SLC35A5: variants seen among roughly 807,000 people sequenced by gnomAD.
The protein encoded by SLC35A5 is UDP-sugar transporter protein SLC35A5.
In SLC35A5, 28 loss-of-function variants were observed where a neutral mutation model predicts 36.3. That is an observed-to-expected ratio of 0.77 (90% confidence interval 0.57 to 1.06). The LOEUF (loss-of-function observed/expected upper bound fraction) is 1.06. Ranked by LOEUF, SLC35A5 falls within the 50% of genes least tolerant of loss-of-function variation. The probability of loss-of-function intolerance (pLI) is 0.00; values close to 1 mark genes in which losing one functional copy is unlikely to be tolerated. For synonymous variants in SLC35A5, 180 were observed against 173.7 expected (o/e 1.04, Z -0.29); for missense variants, 521 against 499.3 (o/e 1.04, Z -0.41).
At chr3:112,565,078 A>C (rs1934133914) in intron 2 of SLC35A5, among the ~76,000 whole-genome samples, 1 of 152,184 alleles carries the variant, frequency 6.6e-6, no homozygotes, top group African/African-American at 2.4e-5. Flanking sequence ...ATGTGTACCC[A>C]AGTCTCTACT....
Position 112,583,320 on chromosome 3 carries a change from C to G in SLC35A5, c.*584C>G. The G allele has an allele frequency of 2.5e-6, 1 of 393,466 alleles. No individual in the cohort carries two copies. Among genetic ancestry groups the G allele is most frequent in the Non-Finnish European group, 4.5e-6 (1 of 223,018 alleles). The allele number at this position is 393,466 out of a possible 1,614,324, so 24.4% of individuals were successfully genotyped here. A position where few individuals can be genotyped will look rare whatever the true frequency, so the allele number is the denominator to read the frequency against. On this transcript the variant is annotated 3_prime_UTR_variant, in exon 7 of 7. Coordinates refer to ENST00000492406, the MANE Select transcript of SLC35A5 (RefSeq NM_017945.5). ...ATATTTTGCTGAAGAAGCAGTTTCT[C>G]AGACACAACATCTCAGAATTTTAAT...
intron 2 of SLC35A5, among the ~76,000 whole-genome samples, chr3:112,567,753 C>T (rs1934263477): frequency 6.6e-6 from 1 of 152,190 alleles, no homozygotes; most frequent in Non-Finnish European, 1.5e-5. Context: ...ACCATGTTGT[C>T]ATATGGTCTG....
In SLC35A5 at chr3:112,563,546, T is replaced by C; in HGVS notation, c.130+13T>C. Reference sequence around the variant, plus strand: ...TCTGCCAATGAAGGTAAGTTAAGACTTGGTATATGCATGGAGCACTTCCAT... The same window carrying C: ...TCTGCCAATGAAGGTAAGTTAAGACCTGGTATATGCATGGAGCACTTCCAT... On this transcript the variant is annotated intron_variant, in intron 2 of 6. Transcript: ENST00000492406. The C allele has an allele frequency of 6.3e-7, 1 of 1,592,526 alleles. No individual in the cohort carries two copies. The highest frequency in any genetic ancestry group is 8.6e-7 in the Non-Finnish European group (1 of 1,163,864).
intron 2 of SLC35A5, among the ~76,000 whole-genome samples, chr3:112,564,620 G>C (rs944962987): frequency 1.3e-5 from 2 of 152,142 alleles, no homozygotes; most frequent in African/African-American, 4.8e-5. Context: ...CCTCAGCACA[G>C]ACCCTTTACA....
Position 112,581,225 on chromosome 3 carries a change from A to C in SLC35A5, c.1108A>C (p.Ile370Leu). ...GGAAGCCCCATCAGTCCTTCTCTCT[A>C]TATTTATTTATAATGCCAGCAAGCC... ...FLEAPSVLLS[I>L]FIYNASKPQV... The change falls in exon 6 of 7, where the codon ATA (isoleucine) becomes CTA (leucine). Residue 370 changes from isoleucine to leucine, a missense_variant. Ile to Leu is a conservative substitution (Grantham distance 5, BLOSUM62 2). Transcript: ENST00000492406. 3.1e-6 allele frequency: 5 copies of C among 1,613,722 alleles called. No homozygotes were observed. The highest frequency in any genetic ancestry group is 3.4e-6 in the Non-Finnish European group (4 of 1,179,864).
At chr3:112,573,280 G>T (rs1305616387) in intron 4 of SLC35A5, among the ~76,000 whole-genome samples, 2 of 152,158 alleles carry the variant, frequency 1.3e-5, no homozygotes, top group East Asian at 3.8e-4. Flanking sequence ...TACATGTTCA[G>T]ATTAATACTC....
chr3:112,580,582 G>C lies in SLC35A5; in HGVS notation c.465G>C (p.Leu155=), dbSNP rs1347047410. 2 of 1,613,868 alleles carry C rather than the reference G, an allele frequency of 1.2e-6. No individual in the cohort carries two copies. The highest frequency in any genetic ancestry group is 3.3e-5 in the Admixed American group (2 of 59,994). ...ACTGGATCCAGTGGGCTTCCCTCCT[G>C]ACTTTATTTTTGTCTATTGTGGCCT... ...RLNWIQWASL[L]TLFLSIVALT... is the part of the protein sequence containing the mutation. Residue 155 remains leucine (L), a synonymous_variant, in exon 6 of 7, where the codon CTG becomes CTC. Transcript: ENST00000492406.
intron 5 of SLC35A5, among the ~76,000 whole-genome samples, chr3:112,578,078 T>A (rs1375349637): frequency 6.6e-6 from 1 of 152,192 alleles, no homozygotes; most frequent in Non-Finnish European, 1.5e-5. Flanking sequence ...AGAAAATATC[T>A]AAACAATTTA....
chr3:112,570,729 A>AT (rs11411476), intron 4 of SLC35A5, 59 bp downstream of exon 4: 150,002 of 1,092,122 alleles, frequency 0.14, 5,939 homozygotes, highest in African/African-American at 0.47. Flanking sequence ...AAATCCCAGA[A>AT]TTTTTTTTTT....
rs574446668 is a variant in SLC35A5, at chr3:112,563,610, A to G, written c.130+77A>G. 6.7e-6 allele frequency: 9 copies of G among 1,345,280 alleles called. No homozygotes were observed. The Admixed American group carries it at 7.7e-5, about 12-fold the overall frequency. 83.3% of individuals were successfully genotyped at this position (1,345,280 alleles called of 1,614,324 possible). A position where few individuals can be genotyped will look rare whatever the true frequency, so the allele number is the denominator to read the frequency against. On this transcript the variant is annotated intron_variant, in intron 2 of 6. Coordinates refer to ENST00000492406, the MANE Select transcript of SLC35A5 (RefSeq NM_017945.5). ...TCTCTCTTGCCTTTGGTTCTGTTAT[A>G]TATAACATGGAAATAATAATGCCTT...
upstream of SLC35A5, chr3:112,561,489 C>G (rs1303522894): frequency 1.9e-6 from 3 of 1,613,394 alleles, no homozygotes. Context: ...TCAGCCACTT[C>G]CAGTGCCTTT....
intron 5 of SLC35A5, among the ~76,000 whole-genome samples, chr3:112,575,256 T>A (rs1407480305): frequency 2.0e-5 from 3 of 152,178 alleles, no homozygotes; most frequent in African/African-American, 7.2e-5. Context: ...AAAGTGTTTG[T>A]CATTTACTTT....
intron 3 of SLC35A5, among the ~76,000 whole-genome samples, 191 bp downstream of exon 3, chr3:112,569,460 G>A (rs189145504): frequency 4.6e-5 from 7 of 152,318 alleles, no homozygotes; most frequent in Admixed American, 4.6e-4. Flanking sequence ...AGCTGCATAG[G>A]AAGGGGAGGA....
Position 112,584,084 on chromosome 3 carries a change from A to G in SLC35A5, c.*1348A>G, listed in dbSNP as rs1183855008. On this transcript the variant is annotated 3_prime_UTR_variant, in exon 7 of 7. Coordinates refer to ENST00000492406, the MANE Select transcript of SLC35A5 (RefSeq NM_017945.5). Reference sequence around the variant, plus strand: ...AAGGTAATATACTATTATATAATTCATTTGTGATATCCACAATAATATGAC... The same window carrying G: ...AAGGTAATATACTATTATATAATTCGTTTGTGATATCCACAATAATATGAC... 1.3e-5 allele frequency: 2 copies of G among 152,190 alleles called. No homozygotes were observed. Among genetic ancestry groups the G allele is most frequent in the Admixed American group, 1.3e-4 (2 of 15,270 alleles). The allele number at this position is 152,190 out of a possible 1,614,324, so 9.4% of individuals were successfully genotyped here. A position where few individuals can be genotyped will look rare whatever the true frequency, so the allele number is the denominator to read the frequency against.
rs893897218 is a variant in SLC35A5, at chr3:112,562,073, G to C, written c.-220G>C. The C allele has an allele frequency of 6.3e-6, 1 of 158,910 alleles. No homozygotes were observed. The highest frequency in any genetic ancestry group is 2.4e-5 in the African/African-American group (1 of 41,500). 9.8% of individuals were successfully genotyped at this position (158,910 alleles called of 1,614,324 possible). On this transcript the variant is annotated 5_prime_UTR_variant, in exon 1 of 7. Transcript: ENST00000492406. ...GAACGTGCCTGCGCAATGGGTGTCG[G>C]GTCCGCTTTTTCCCAATCCGGACGT...
At chr3:112,577,921 A>G (rs981837560) in intron 5 of SLC35A5, among the ~76,000 whole-genome samples, 1 of 152,214 alleles carries the variant, frequency 6.6e-6, no homozygotes, top group Non-Finnish European at 1.5e-5. Context: ...GAAAACAATT[A>G]TGTGAGTCTT....
chr3:112,581,425 A>C (rs957743884), intron 6 of SLC35A5, 99 bp downstream of exon 6: 7 of 1,205,496 alleles, frequency 5.8e-6, no homozygotes, highest in Non-Finnish European at 8.0e-6. Flanking sequence ...TTGTCAAAGA[A>C]TGTATTGGAT....
In SLC35A5 at chr3:112,563,511, A is replaced by G. The variant is rs776915150; in HGVS notation, c.108A>G (p.Leu36=). ...FIALSSSRIL[L]VKYSANEENK... ...CTTTAAGCTCAAGTCGCATCTTACT[A>G]GTGAAGTATTCTGCCAATGAAGGTA... Residue 36 remains leucine, a synonymous_variant, in exon 2 of 7, where the codon CTA becomes CTG. Transcript: ENST00000492406. The G allele has an allele frequency of 8.1e-6, 13 of 1,604,890 alleles. No individual in the cohort carries two copies. In the African/African-American group the frequency reaches 1.6e-4, roughly 20 times the overall value.
chr3:112,577,565 C>T (rs916250804), intron 5 of SLC35A5, among the ~76,000 whole-genome samples: 1 of 152,128 alleles, frequency 6.6e-6, no homozygotes, highest in African/African-American at 2.4e-5. Flanking sequence ...GGAAATAATA[C>T]CAACCTAAAC....
Sources: allele counts gnomAD v4.1 joint callset (sites outside exome capture counted in the v4.1 genomes callset), GRCh38; gene constraint gnomAD v4.1.1; transcripts MANE v1.5; gene names NCBI Gene and HGNC (gene_info 2026-07-23, HGNC 2026-07-21).